Variants in TIAM2 observed in about 807,000 individuals in gnomAD.
The protein encoded by TIAM2 is rho guanine nucleotide exchange factor TIAM2.
In TIAM2, 80 loss-of-function variants were observed where a neutral mutation model predicts 152.9. The ratio of observed to expected loss-of-function variants is 0.52; its 90% CI spans 0.44 to 0.63. The LOEUF (loss-of-function observed/expected upper bound fraction) is 0.63, where lower values mean the gene tolerates loss of function less well. Ranked by LOEUF, TIAM2 falls within the 30% of genes least tolerant of loss-of-function variation. The probability of loss-of-function intolerance (pLI) is 0.00; values close to 1 mark genes in which losing one functional copy is unlikely to be tolerated. For synonymous variants in TIAM2, 804 were observed against 838.0 expected (o/e 0.96, Z 0.70); for missense variants, 1,965 against 2,120.1 (o/e 0.93, Z 1.44).
chr6:155,232,616 A>G (rs1782527675), intron 15 of TIAM2: 1 of 152,228 alleles, frequency 6.6e-6, no homozygotes, highest in Admixed American at 6.5e-5. Flanking sequence ...AGGACATGAG[A>G]CTTGGATTCA....
chr6:155,074,511 C>T (rs985286039), intron 1 of TIAM2, among the ~76,000 whole-genome samples: 1 of 152,008 alleles, frequency 6.6e-6, no homozygotes, highest in Admixed American at 6.5e-5. Flanking sequence ...CCACACCTGG[C>T]TAATTTTTAT....
intron 1 of TIAM2, among the ~76,000 whole-genome samples, chr6:155,020,448 T>A (rs1234683065): frequency 6.6e-6 from 1 of 152,144 alleles, no homozygotes. Context: ...GTCAAATTAC[T>A]GTATTAGCCT....
chr6:155,231,166 T>G (rs1782459639), intron 15 of TIAM2, among the ~76,000 whole-genome samples: 1 of 152,134 alleles, frequency 6.6e-6, no homozygotes, highest in South Asian at 2.1e-4. Flanking sequence ...TACCAGTAAA[T>G]CACGTCCTTC....
At chr6:155,242,614 A>G (rs1040844012) in intron 16 of TIAM2, among the ~76,000 whole-genome samples, 23 of 152,230 alleles carry the variant, frequency 1.5e-4, no homozygotes, top group Admixed American at 3.9e-4. Flanking sequence ...TTGGGAAGTG[A>G]GGGAGTTATT....
intron 2 of TIAM2, among the ~76,000 whole-genome samples, chr6:155,097,537 C>T (rs11758810): frequency 0.34 from 51,764 of 151,876 alleles, 9,151 homozygotes; most frequent in Middle Eastern, 0.43. Context: ...AGAGAGGTCC[C>T]GTTCTGTTGC....
chr6:155,137,158 T>A lies in TIAM2; in HGVS notation c.1195-19T>A. The stretch of plus-strand genomic sequence containing the variant: ...GATAGCCGTAAGCTCTGATGGGTGA[T>A]CATGTGTGTTTCTCACAGGAGCCGA... On this transcript the variant is annotated intron_variant, in intron 4 of 26. Transcript: ENST00000682666. 1 of 1,607,024 alleles carries A rather than the reference T, an allele frequency of 6.2e-7. No individual in the cohort carries two copies. Among genetic ancestry groups the A allele is most frequent in the Non-Finnish European group, 8.5e-7 (1 of 1,175,508 alleles).
chr6:155,148,458 G>A, intron 7 of TIAM2, 124 bp downstream of exon 7: 1 of 960,380 alleles, frequency 1.0e-6, no homozygotes, highest in South Asian at 1.7e-5. Flanking sequence ...TTACACCCTG[G>A]GGGAAATAAT....
chr6:155,117,437 G>A (rs557899831), intron 2 of TIAM2, among the ~76,000 whole-genome samples: 1 of 152,232 alleles, frequency 6.6e-6, no homozygotes, highest in Admixed American at 6.5e-5. Flanking sequence ...TGTTAAAGTT[G>A]TCATATTCTC....
At chr6:155,074,422 A>G (rs1300659884) in intron 1 of TIAM2, among the ~76,000 whole-genome samples, 1 of 151,992 alleles carries the variant, frequency 6.6e-6, no homozygotes, top group Non-Finnish European at 1.5e-5. Context: ...ATCTTGGCTC[A>G]CTGCAACCTC....
intron 14 of TIAM2, among the ~76,000 whole-genome samples, chr6:155,202,883 C>CAAAAAAAA (rs36086677): frequency 4.6e-5 from 5 of 109,146 alleles, no homozygotes; most frequent in Non-Finnish European, 5.3e-5. Flanking sequence ...ACTAAAAATA[C>CAAAAAAAA]AAAAAAAAAA....
intron 5 of TIAM2, among the ~76,000 whole-genome samples, chr6:155,138,861 T>A (rs760553991): frequency 2.0e-5 from 3 of 152,178 alleles, no homozygotes; most frequent in Non-Finnish European, 2.9e-5. Context: ...CTTTTTTTTT[T>A]AAACATAAAG....
In TIAM2 at chr6:155,028,035, AATAT is replaced by A. The variant is rs1197291863; in HGVS notation, c.-209+32546_-209+32549del. On this transcript the variant is annotated intron_variant, in intron 1 of 26. Transcript: ENST00000682666. The stretch of plus-strand genomic sequence containing the variant: ...ATGTACTGTGTTATATACTATATAT[AATAT>A]ATGTACTGTGTTACATATATACTAT... Among the ~76,000 whole-genome samples, 7 of 127,666 alleles carry A rather than the reference AATAT, an allele frequency of 5.5e-5. No individual in the cohort carries two copies. The South Asian group carries it at 1.8e-3, about 32-fold the overall frequency. 83.8% of individuals were successfully genotyped at this position (127,666 alleles called of 152,430 possible). A position where few individuals can be genotyped will look rare whatever the true frequency, so the allele number is the denominator to read the frequency against.
intron 2 of TIAM2, among the ~76,000 whole-genome samples, chr6:155,117,460 G>A (rs1779042113): frequency 6.6e-6 from 1 of 152,056 alleles, no homozygotes; most frequent in Non-Finnish European, 1.5e-5. Flanking sequence ...TCTTCCCCCT[G>A]TAGACGGAGT....
At chr6:155,231,016 A>G (rs1456428005) in intron 15 of TIAM2, among the ~76,000 whole-genome samples, 2 of 142,510 alleles carry the variant, frequency 1.4e-5, no homozygotes, top group South Asian at 2.3e-4. Context: ...TTTTTTTTGT[A>G]TTTTTAGTAG....
intron 1 of TIAM2, among the ~76,000 whole-genome samples, chr6:155,006,450 C>T (rs62434477): frequency 0.012 from 1,749 of 151,620 alleles, 12 homozygotes; most frequent in Non-Finnish European, 0.02. Context: ...GGGTGGATCA[C>T]AAGGTCAGGA....
At chr6:155,185,423 G>A (rs939003734) in intron 14 of TIAM2, among the ~76,000 whole-genome samples, 6 of 151,756 alleles carry the variant, frequency 4.0e-5, no homozygotes, top group African/African-American at 1.5e-4. Context: ...AACCGCGCCC[G>A]GCTGTTTTTC....
chr6:155,051,491 G>A (rs60929135), intron 1 of TIAM2, among the ~76,000 whole-genome samples: 1 of 152,134 alleles, frequency 6.6e-6, no homozygotes, highest in African/African-American at 2.4e-5. Context: ...TTGCCCAAGG[G>A]TAAAAATGCA....
chr6:155,118,027 G>T (rs904345718), intron 2 of TIAM2, among the ~76,000 whole-genome samples: 1 of 152,230 alleles, frequency 6.6e-6, no homozygotes. Flanking sequence ...ACGCTGAGCT[G>T]TTGGCTACTG....
At chr6:155,095,442 A>C (rs1393376619) in intron 2 of TIAM2, among the ~76,000 whole-genome samples, 2 of 152,126 alleles carry the variant, frequency 1.3e-5, no homozygotes, top group Non-Finnish European at 2.9e-5. Context: ...GGAAGAGAGG[A>C]GTAGGATGTG....
Sources: gnomAD v4.1 joint callset for allele counts (sites outside exome capture counted in the v4.1 genomes callset) on GRCh38, gnomAD v4.1.1 for gene constraint, MANE v1.5 for transcripts, NCBI Gene and HGNC (gene_info 2026-07-23, HGNC 2026-07-21) for gene names.